ZKSCAN1: variants seen among roughly 807,000 people sequenced by gnomAD.
ZKSCAN1 encodes the protein zinc finger protein with KRAB and SCAN domains 1.
Under a neutral mutation model 51.6 loss-of-function variants are expected in ZKSCAN1, and 14 were observed. The ratio of observed to expected loss-of-function variants is 0.27; its 90% CI spans 0.18 to 0.42. The LOEUF (loss-of-function observed/expected upper bound fraction) is 0.42. Among genes scored for constraint, ZKSCAN1 ranks in the 10% least tolerant of loss-of-function variants. The pLI is 1.00. For missense variants in ZKSCAN1, 531 were observed against 710.0 expected, an observed-to-expected ratio of 0.75 and a Z score of 2.86; for synonymous variants, 263 against 261.5, an observed-to-expected ratio of 1.01 and a Z score of -0.06.
chr7:100,039,947 A>G lies in ZKSCAN1; in HGVS notation c.*5750A>G. On this transcript the variant is annotated 3_prime_UTR_variant, in exon 6 of 6. Coordinates refer to ENST00000324306, the MANE Select transcript of ZKSCAN1 (RefSeq NM_003439.4). ...CAACTACTACTGGAGAATTTAATAA[A>G]AGGCATTATTTGAAAAGTTTTTCTA... 1.0e-6 allele frequency: 1 copy of G among 975,556 alleles called. No homozygotes were observed. The highest frequency in any genetic ancestry group is 1.2e-6 in the Non-Finnish European group (1 of 820,976). 60.4% of individuals were successfully genotyped at this position (975,556 alleles called of 1,614,324 possible).
At chr7:100,016,276 A>T (rs1335630547) in intron 1 of ZKSCAN1, among the ~76,000 whole-genome samples, 4 of 152,054 alleles carry the variant, frequency 2.6e-5, no homozygotes, top group African/African-American at 9.7e-5. Context: ...AGAGTATTTG[A>T]AGCCTAGTCA....
At position 100,041,278 on chromosome 7, in the gene ZKSCAN1, TA is replaced by T. The variant is rs1409595759; in HGVS notation, c.*7082del. On this transcript the variant is annotated 3_prime_UTR_variant, in exon 6 of 6. Transcript: ENST00000324306. Reference sequence around the variant, plus strand: ...TTAAAACTGGATTTTTTCATTTTACTAGGTTCCGAAGAGTCCAGATGCTTGG... The same window carrying T: ...TTAAAACTGGATTTTTTCATTTTACTGGTTCCGAAGAGTCCAGATGCTTGG... 1 of 978,038 alleles carries T rather than the reference TA, an allele frequency of 1.0e-6. No homozygotes were observed. The highest frequency in any genetic ancestry group is 1.8e-5 in the African/African-American group (1 of 57,070). 60.6% of individuals were successfully genotyped at this position (978,038 alleles called of 1,614,324 possible).
At chr7:100,032,951 T>C (rs1436425350) in intron 5 of ZKSCAN1, among the ~76,000 whole-genome samples, 4 of 149,874 alleles carry the variant, frequency 2.7e-5, no homozygotes, top group African/African-American at 9.9e-5. Context: ...GAGCTTGCAG[T>C]GAGCCGAGAT....
chr7:100,018,022 T>C (rs1306117480), intron 1 of ZKSCAN1, among the ~76,000 whole-genome samples: 1 of 152,242 alleles, frequency 6.6e-6, no homozygotes, highest in Admixed American at 6.5e-5. Context: ...GCTTTATATC[T>C]ATTACCTCAT....
At chr7:100,018,543 C>G (rs1790470095) in intron 1 of ZKSCAN1, among the ~76,000 whole-genome samples, 1 of 152,016 alleles carries the variant, frequency 6.6e-6, no homozygotes, top group African/African-American at 2.4e-5. Flanking sequence ...CGCCCGCCAC[C>G]ACACCCAGCT....
intron 1 of ZKSCAN1, among the ~76,000 whole-genome samples, chr7:100,017,446 CGCCTGATCTCAG>C (rs1049684089): frequency 6.6e-5 from 10 of 152,220 alleles, no homozygotes; most frequent in Admixed American, 1.3e-4. Context: ...TGGTCTCGAA[CGCCTGATCTCAG>C]GCAGTCCGCC....
At chr7:100,024,460 G>A (rs1562819978) in intron 3 of ZKSCAN1, 153 bp downstream of exon 3, 1 of 958,962 alleles carries the variant, frequency 1.0e-6, no homozygotes, top group Non-Finnish European at 1.5e-6. Flanking sequence ...CAGGTATAGT[G>A]GCGCACACCT....
chr7:100,042,986 G>T (rs1791638505), downstream of ZKSCAN1, among the ~76,000 whole-genome samples: 1 of 151,824 alleles, frequency 6.6e-6, no homozygotes, highest in Non-Finnish European at 1.5e-5. Context: ...TGTTTTAGTA[G>T]AGACGGGGTT....
intron 1 of ZKSCAN1, among the ~76,000 whole-genome samples, chr7:100,020,029 T>C (rs1790531351): frequency 1.3e-5 from 2 of 152,194 alleles, no homozygotes; most frequent in Admixed American, 1.3e-4. Context: ...AGTGAGATGA[T>C]AAGTGTAGCT....
downstream of ZKSCAN1, among the ~76,000 whole-genome samples, chr7:100,044,418 A>G (rs983344390): frequency 6.6e-6 from 1 of 152,118 alleles, no homozygotes; most frequent in Non-Finnish European, 1.5e-5. Context: ...CTGTAATCCC[A>G]GCACTTTGGG....
At chr7:100,044,018 C>T (rs1791662452), downstream of ZKSCAN1, among the ~76,000 whole-genome samples, 1 of 151,936 alleles carries the variant, frequency 6.6e-6, no homozygotes, top group Non-Finnish European at 1.5e-5. Flanking sequence ...TTCAAGTGAT[C>T]CACCTGCCTC....
At chr7:100,025,604 T>C (rs951233906) in intron 3 of ZKSCAN1, among the ~76,000 whole-genome samples, 3 of 152,166 alleles carry the variant, frequency 2.0e-5, no homozygotes, top group Non-Finnish European at 2.9e-5. Flanking sequence ...TTATGGTAAG[T>C]GCAATGTTAA....
chr7:100,031,753 C>T (rs1791116061), intron 5 of ZKSCAN1, among the ~76,000 whole-genome samples: 1 of 152,144 alleles, frequency 6.6e-6, no homozygotes. Context: ...TTTCCTGTGT[C>T]TGAAGATTCC....
intron 2 of ZKSCAN1, 24 bp downstream of exon 2, chr7:100,023,956 T>A (rs34766893): frequency 0.11 from 166,179 of 1,552,148 alleles, 10,051 homozygotes; most frequent in Non-Finnish European, 0.12. Context: ...AAACCTATTA[T>A]GTGTGAGCAG....
intron 1 of ZKSCAN1, among the ~76,000 whole-genome samples, chr7:100,017,695 T>G (rs1352920421): frequency 6.6e-6 from 1 of 152,208 alleles, no homozygotes; most frequent in Non-Finnish European, 1.5e-5. Flanking sequence ...GTGGATGGTA[T>G]GTCAGTATGT....
Position 100,036,956 on chromosome 7 carries a change from A to ACATCTTCCTGACTTTGTTGGATAGC in ZKSCAN1, c.*2760_*2784dup. The ACATCTTCCTGACTTTGTTGGATAGC allele has an allele frequency of 1.0e-6, 1 of 985,244 alleles. No individual in the cohort carries two copies. Among genetic ancestry groups the ACATCTTCCTGACTTTGTTGGATAGC allele is most frequent in the Non-Finnish European group, 1.2e-6 (1 of 829,908 alleles). 61.0% of individuals were successfully genotyped at this position (985,244 alleles called of 1,614,324 possible). On this transcript the variant is annotated 3_prime_UTR_variant, in exon 6 of 6. Coordinates refer to ENST00000324306, the MANE Select transcript of ZKSCAN1 (RefSeq NM_003439.4). ...TCACATTTAATTCCGTTTCATGGAGACATCTTCCTGACTTTGTTGGATAGC... is the reference window on the plus strand; with the variant it reads ...TCACATTTAATTCCGTTTCATGGAGACATCTTCCTGACTTTGTTGGATAGCCATCTTCCTGACTTTGTTGGATAGC...
rs1791398102 is a variant in ZKSCAN1, at chr7:100,037,121, A to G, written c.*2924A>G. On this transcript the variant is annotated 3_prime_UTR_variant, in exon 6 of 6. Coordinates refer to ENST00000324306, the MANE Select transcript of ZKSCAN1 (RefSeq NM_003439.4). ...ATTCGTTTATCAGATGCTCAGTGCA[A>G]AGTGTAATTGGGTCATGGTCAAAAA... The G allele has an allele frequency of 3.0e-6, 3 of 985,430 alleles. No homozygotes were observed. The South Asian group carries it at 1.4e-4, about 46-fold the overall frequency. 61.0% of individuals were successfully genotyped at this position (985,430 alleles called of 1,614,324 possible).
At chr7:100,021,116 C>CTTTTTTTTTTTTTTTT (rs60632908) in intron 1 of ZKSCAN1, among the ~76,000 whole-genome samples, 4 of 85,324 alleles carry the variant, frequency 4.7e-5, no homozygotes, top group Non-Finnish European at 6.5e-5. Flanking sequence ...TTTTTTTTTC[C>CTTTTTTTTTTTTTTTT]TTTTTTTTTT....
Position 100,033,029 on chromosome 7 carries a change from G to A in ZKSCAN1, c.800-276G>A, listed in dbSNP as rs1233854976. 1.3e-5 allele frequency among the ~76,000 whole-genome samples: 2 copies of A among 151,038 alleles called. No homozygotes were observed. Among genetic ancestry groups the A allele is most frequent in the African/African-American group, 2.4e-5 (1 of 41,038 alleles). ...TCTCAAAAAAAAAAAAAAGTTACCC[G>A]GGCGTGGTAGCATGCACCTATAGTC... On this transcript the variant is annotated intron_variant, in intron 5 of 5. Transcript: ENST00000324306. The surrounding 1 kb of genome is among the most constrained non-coding windows in gnomAD (Gnocchi z 4.1).
Sources: gnomAD v4.1 joint callset for allele counts (sites outside exome capture counted in the v4.1 genomes callset) on GRCh38, gnomAD v4.1.1 for gene constraint, Gnocchi (gnomAD v3.1) non-coding constraint, MANE v1.5 for transcripts, NCBI Gene and HGNC (gene_info 2026-07-23, HGNC 2026-07-21) for gene names.